Variants in WDR1 observed in about 807,000 individuals in gnomAD.
WDR1 encodes the protein WD repeat domain 1.
In WDR1, 21 loss-of-function variants were observed where a neutral mutation model predicts 71.9. The observed-to-expected ratio is 0.29, with a 90% CI of 0.21 to 0.42. WDR1 has a LOEUF of 0.42. Among genes scored for constraint, WDR1 ranks in the 10% least tolerant of loss-of-function variants. The pLI, the probability that WDR1 is intolerant of heterozygous loss-of-function variation, is 1.00. For missense variants in WDR1, 696 were observed against 824.5 expected (o/e 0.84, Z 1.91); for synonymous variants, 424 against 347.4 (o/e 1.22, Z -2.45).
At chr4:10,084,962 G>T (rs190799172) in intron 8 of WDR1, among the ~76,000 whole-genome samples, 1 of 152,366 alleles carries the variant, frequency 6.6e-6, no homozygotes, top group East Asian at 1.9e-4. Context: ...TGGTTTGTGA[G>T]GTTTCTTCTC....
chr4:10,086,742 G>T (rs1171168221), intron 8 of WDR1, among the ~76,000 whole-genome samples: 1 of 152,198 alleles, frequency 6.6e-6, no homozygotes, highest in African/African-American at 2.4e-5. Flanking sequence ...CTTAAAGCAG[G>T]AGCCCGAGAA....
At chr4:10,113,235 C>CGG (rs1713501141) in intron 2 of WDR1, among the ~76,000 whole-genome samples, 2 of 152,162 alleles carry the variant, frequency 1.3e-5, no homozygotes, top group African/African-American at 4.8e-5. Flanking sequence ...TTGGCACGTA[C>CGG]CTGTAGTCCC....
intron 4 of WDR1, 134 bp downstream of exon 4, chr4:10,098,858 G>T: frequency 7.6e-7 from 1 of 1,318,486 alleles, no homozygotes; most frequent in Non-Finnish European, 1.1e-6. Context: ...CACGGGGCCC[G>T]GCACCTACTG....
At chr4:10,092,500 G>GAAGT in intron 5 of WDR1, 1 of 153,680 alleles carries the variant, frequency 6.5e-6, no homozygotes, top group Non-Finnish European at 1.5e-5. Context: ...CACAGGCTCT[G>GAAGT]GCAGGGTGGT....
chr4:10,102,670 C>A (rs559070613), intron 3 of WDR1, among the ~76,000 whole-genome samples: 1 of 152,298 alleles, frequency 6.6e-6, no homozygotes, highest in South Asian at 2.1e-4. Flanking sequence ...TAAGACAGAG[C>A]CGAACCCAGG....
intron 5 of WDR1, among the ~76,000 whole-genome samples, chr4:10,091,372 A>G (rs1711967921): frequency 1.3e-5 from 2 of 152,210 alleles, no homozygotes; most frequent in African/African-American, 4.8e-5. Context: ...CGATCCACTC[A>G]GCTGCTGAGA....
At chr4:10,079,342 GTA>G (rs1243017490) in intron 11 of WDR1, among the ~76,000 whole-genome samples, 1 of 152,224 alleles carries the variant, frequency 6.6e-6, no homozygotes, top group African/African-American at 2.4e-5. Flanking sequence ...ACTAACAACA[GTA>G]AACAAAAACA....
intron 10 of WDR1, among the ~76,000 whole-genome samples, chr4:10,082,229 C>G (rs1203326241): frequency 6.6e-6 from 1 of 152,210 alleles, no homozygotes; most frequent in East Asian, 1.9e-4. Context: ...CAGGCAGGGC[C>G]TGTGTTACCT....
At position 10,074,990 on chromosome 4, in the gene WDR1, A is replaced by G. The variant is rs967877822; in HGVS notation, c.*388T>C. On this transcript the variant is annotated 3_prime_UTR_variant, in exon 15 of 15. Coordinates refer to ENST00000499869, the MANE Select transcript of WDR1 (RefSeq NM_017491.5). Reference sequence around the variant, plus strand: ...ACAGAAATGTTCTGCAGGCAGGAACATGAGCCCCCCGGCTCATTCACCTGT... The same window carrying G: ...ACAGAAATGTTCTGCAGGCAGGAACGTGAGCCCCCCGGCTCATTCACCTGT... 1 of 283,506 alleles carries G rather than the reference A, an allele frequency of 3.5e-6. No individual in the cohort carries two copies. The highest frequency in any genetic ancestry group is 4.8e-5 in the Admixed American group (1 of 20,790). The allele number at this position is 283,506 out of a possible 1,614,324, so 17.6% of individuals were successfully genotyped here. A position where few individuals can be genotyped will look rare whatever the true frequency, so the allele number is the denominator to read the frequency against.
intron 11 of WDR1, among the ~76,000 whole-genome samples, chr4:10,079,508 C>G (rs1560527795): frequency 1.3e-5 from 2 of 152,334 alleles, no homozygotes; most frequent in East Asian, 3.9e-4. Flanking sequence ...CCGGGACTCG[C>G]CCAGAATCCA....
chr4:10,105,628 G>A (rs139858245), intron 2 of WDR1, among the ~76,000 whole-genome samples: 15 of 152,304 alleles, frequency 9.8e-5, no homozygotes, highest in African/African-American at 3.1e-4. Context: ...CCAAGTGCTG[G>A]CAAGGGTAGA....
intron 2 of WDR1, among the ~76,000 whole-genome samples, chr4:10,109,544 C>G (rs1445656545): frequency 6.6e-6 from 1 of 152,236 alleles, no homozygotes; most frequent in Admixed American, 6.5e-5. Flanking sequence ...TGGTCACTCA[C>G]AGGCCGCCAT....
chr4:10,099,112 T>C lies in WDR1; in HGVS notation c.257A>G (p.Asp86Gly). ...CAACAGGTGCTCCTTCTGCGTGGTA[T>C]CCCAGATCCTCAGCTTCCCAGACAC... ...GDVSGKLRIW[D>G]TTQKEHLLKY... Residue 86 changes from aspartate to glycine, a missense_variant, in exon 4 of 15, where the codon GAT (aspartate) becomes GGT (glycine). Asp to Gly is a moderately conservative substitution (Grantham distance 94, BLOSUM62 -1). Transcript: ENST00000499869. 1.5e-6 allele frequency: 2 copies of C among 1,361,394 alleles called. No homozygotes were observed. Among genetic ancestry groups the C allele is most frequent in the Non-Finnish European group, 1.9e-6 (2 of 1,029,634 alleles). 84.3% of individuals were successfully genotyped at this position (1,361,394 alleles called of 1,614,324 possible).
chr4:10,111,047 G>A (rs549971415), intron 2 of WDR1, among the ~76,000 whole-genome samples: 6 of 152,350 alleles, frequency 3.9e-5, no homozygotes, highest in East Asian at 1.9e-4. Context: ...CTGCGCTGAC[G>A]CCGCCTTCAT....
At chr4:10,115,125 C>T (rs371025385) in intron 2 of WDR1, among the ~76,000 whole-genome samples, 7 of 152,226 alleles carry the variant, frequency 4.6e-5, no homozygotes, top group African/African-American at 1.4e-4. Flanking sequence ...TCAAAACATA[C>T]ATCTTTGTGC....
chr4:10,098,601 C>T (rs764514746), intron 4 of WDR1, among the ~76,000 whole-genome samples: 13 of 152,222 alleles, frequency 8.5e-5, no homozygotes, highest in Admixed American at 1.3e-4. Flanking sequence ...GGGGGAGGTG[C>T]CCAGCTGGAA....
At chr4:10,101,683 T>C (rs1175631341) in intron 3 of WDR1, among the ~76,000 whole-genome samples, 1 of 152,158 alleles carries the variant, frequency 6.6e-6, no homozygotes, top group African/African-American at 2.4e-5. Flanking sequence ...TCTGTCTCAT[T>C]GGACACCTTT....
chr4:10,100,721 C>T (rs781398251), intron 3 of WDR1, among the ~76,000 whole-genome samples: 4 of 152,148 alleles, frequency 2.6e-5, no homozygotes, highest in Non-Finnish European at 5.9e-5. Flanking sequence ...CCAAAGGTGA[C>T]CTGGAGATCT....
chr4:10,110,562 C>T (rs540480975), intron 2 of WDR1, among the ~76,000 whole-genome samples: 4 of 152,278 alleles, frequency 2.6e-5, no homozygotes, highest in African/African-American at 2.4e-5. Context: ...TGTGTCTCAA[C>T]GCTCCTCCTG....
Sources: gnomAD v4.1 joint callset for allele counts (sites outside exome capture counted in the v4.1 genomes callset) on GRCh38, gnomAD v4.1.1 for gene constraint, MANE v1.5 for transcripts, NCBI Gene and HGNC (gene_info 2026-07-23, HGNC 2026-07-21) for gene names.